The following ETV6 variants were observed in gnomAD, a reference collection of about 807,000 sequenced individuals.
ETV6 encodes ETS variant transcription factor 6, also known as transcription factor ETV6.
ETV6 carries 16 observed loss-of-function variants against 51.1 expected under a neutral mutation model. The observed-to-expected ratio is 0.31, with a 90% confidence interval of 0.21 to 0.48. The LOEUF is 0.48. ETV6 is among the 20% of genes least tolerant of loss of function. The probability of loss-of-function intolerance (pLI) is 0.99; values close to 1 mark genes in which losing one functional copy is unlikely to be tolerated. For missense variants in ETV6, 458 were observed against 594.8 expected, an observed-to-expected ratio of 0.77 and a Z score of 2.39; for synonymous variants, 240 against 224.1, an observed-to-expected ratio of 1.07 and a Z score of -0.64.
intron 1 of ETV6, among the ~76,000 whole-genome samples, chr12:11,704,891 A>G (rs1051603149): frequency 6.6e-6 from 1 of 152,214 alleles, no homozygotes; most frequent in Admixed American, 6.5e-5. Context: ...GCCATTTGCC[A>G]CAACATGGAT....
At chr12:11,747,617 A>C (rs557850926) in intron 1 of ETV6, among the ~76,000 whole-genome samples, 3 of 152,328 alleles carry the variant, frequency 2.0e-5, no homozygotes, top group African/African-American at 7.2e-5. Flanking sequence ...ATCTTCTCTC[A>C]AATTCTTTAC....
chr12:11,869,940 A>G lies in ETV6; in HGVS notation c.980A>G (p.Glu327Gly), dbSNP rs1946855988. The G allele has an allele frequency of 6.2e-7, 1 of 1,608,610 alleles. No homozygotes were observed. Among genetic ancestry groups the G allele is most frequent in the Non-Finnish European group, 8.5e-7 (1 of 1,179,660 alleles). ...HIMVSVSPPE[E>G]HAMPIGRIAD... ...ATGGTCTCTGTCTCCCCGCCTGAAG[A>G]GCACGCCATGCCCATTGGGAGAATA... Residue 327 changes from glutamate to glycine, a missense_variant, in exon 5 of 8, where the codon GAG (glutamate) becomes GGG (glycine). Transcript: ENST00000396373. The surrounding 1 kb of genome is among the most constrained non-coding windows in gnomAD (Gnocchi z 5.0).
chr12:11,869,374 G>C lies in ETV6; in HGVS notation c.464-50G>C. 1 of 1,543,694 alleles carries C rather than the reference G, an allele frequency of 6.5e-7. No individual in the cohort carries two copies. The highest frequency in any genetic ancestry group is 8.8e-7 in the Non-Finnish European group (1 of 1,138,528). Reference sequence around the variant, plus strand: ...CCTGTAGAGCCGCAGGGAGTTTCCTGTCCTGCCAACTCACTGGGGTCTGTG... The same window carrying C: ...CCTGTAGAGCCGCAGGGAGTTTCCTCTCCTGCCAACTCACTGGGGTCTGTG... On this transcript the variant is annotated intron_variant, in intron 4 of 7. Transcript: ENST00000396373. The surrounding 1 kb of genome is among the most constrained non-coding windows in gnomAD (Gnocchi z 5.0).
chr12:11,756,582 TGACTC>T (rs1358904595), intron 2 of ETV6, among the ~76,000 whole-genome samples: 1 of 151,992 alleles, frequency 6.6e-6, no homozygotes, highest in Non-Finnish European at 1.5e-5. Context: ...AGGTCACTCT[TGACTC>T]TACGCAGAGA....
chr12:11,806,978 G>A (rs1233320941), intron 2 of ETV6, among the ~76,000 whole-genome samples: 1 of 152,362 alleles, frequency 6.6e-6, no homozygotes, highest in Middle Eastern at 3.4e-3. Context: ...CTCACTGATG[G>A]TGTTCCACCG....
chr12:11,763,314 C>T (rs1326802505), intron 2 of ETV6, among the ~76,000 whole-genome samples: 1 of 152,144 alleles, frequency 6.6e-6, no homozygotes, highest in East Asian at 1.9e-4. Flanking sequence ...CTCTTGCTGA[C>T]CTTAAAATTT....
At chr12:11,700,166 G>A (rs1442368186) in intron 1 of ETV6, among the ~76,000 whole-genome samples, 1 of 152,208 alleles carries the variant, frequency 6.6e-6, no homozygotes, top group East Asian at 1.9e-4. Flanking sequence ...TGAATATACA[G>A]TTGACTCTTG....
In ETV6 at chr12:11,894,952, T is replaced by G. The variant is rs1947370485; in HGVS notation, c.*3906T>G. ...GGTGCTAGTTAGAGGCTGTTCACTC[T>G]CTCCTGCTCCTCTTCGGAGTAGAAA... On this transcript the variant is annotated 3_prime_UTR_variant, in exon 8 of 8. Transcript: ENST00000396373. The G allele has an allele frequency of 4.3e-6, 1 of 233,494 alleles. No individual in the cohort carries two copies. Among genetic ancestry groups the G allele is most frequent in the Non-Finnish European group, 8.5e-6 (1 of 118,034 alleles). 14.5% of individuals were successfully genotyped at this position (233,494 alleles called of 1,614,324 possible).
In ETV6 at chr12:11,894,431, A is replaced by C; in HGVS notation, c.*3385A>C. On this transcript the variant is annotated 3_prime_UTR_variant, in exon 8 of 8. Coordinates refer to ENST00000396373, the MANE Select transcript of ETV6 (RefSeq NM_001987.5). The stretch of plus-strand genomic sequence containing the variant: ...AACATGAACTCTAAGATCTTGACCC[A>C]GGGCGACTTGGTTTTGCTTAAGGTG... The C allele has an allele frequency of 4.3e-6, 1 of 233,212 alleles. No individual in the cohort carries two copies. The highest frequency in any genetic ancestry group is 8.5e-6 in the Non-Finnish European group (1 of 118,006). The allele number at this position is 233,212 out of a possible 1,614,324, so 14.4% of individuals were successfully genotyped here.
chr12:11,887,881 A>G (rs2136607590), intron 7 of ETV6, among the ~76,000 whole-genome samples: 1 of 152,250 alleles, frequency 6.6e-6, no homozygotes, highest in South Asian at 2.1e-4. Flanking sequence ...TATCCCAGTC[A>G]TTGTGCTAGA....
chr12:11,808,309 A>G (rs370239138), intron 2 of ETV6, among the ~76,000 whole-genome samples: 2 of 152,294 alleles, frequency 1.3e-5, no homozygotes. Context: ...CCAATCTACC[A>G]TCCATTTCCC....
chr12:11,781,404 T>C (rs1378721088), intron 2 of ETV6, among the ~76,000 whole-genome samples: 5 of 152,196 alleles, frequency 3.3e-5, no homozygotes, highest in Admixed American at 3.3e-4. Flanking sequence ...GTCACTTTGC[T>C]CTTGGTTCTA....
In ETV6 at chr12:11,650,491, A is replaced by AAC. The variant is rs1555109512; in HGVS notation, c.33+332_33+333insCA. On this transcript the variant is annotated intron_variant, in intron 1 of 7. Transcript: ENST00000396373. ...CGTAATTAGTGCGCTTAAAAAAAAA[A>AAC]AAAACAAAAAACAAAAAAAAAAAAC... Among the ~76,000 whole-genome samples, 201 of 63,574 alleles carry AAC rather than the reference A, an allele frequency of 3.2e-3. 7 individuals carry two copies. The highest frequency in any genetic ancestry group is 0.019 in the Admixed American group (107 of 5,582). 41.7% of individuals were successfully genotyped at this position (63,574 alleles called of 152,430 possible).
At chr12:11,802,997 C>T (rs536185964) in intron 2 of ETV6, among the ~76,000 whole-genome samples, 3 of 152,318 alleles carry the variant, frequency 2.0e-5, no homozygotes, top group Admixed American at 6.5e-5. Context: ...ACATCAAGAA[C>T]GTCTTGTAAG....
At chr12:11,659,879 G>A (rs1217966621) in intron 1 of ETV6, among the ~76,000 whole-genome samples, 1 of 152,174 alleles carries the variant, frequency 6.6e-6, no homozygotes. Flanking sequence ...TCACTTGCAG[G>A]TGTGGCCTGG....
At chr12:11,870,845 C>G (rs1946870716) in intron 5 of ETV6, among the ~76,000 whole-genome samples, 1 of 152,192 alleles carries the variant, frequency 6.6e-6, no homozygotes, top group African/African-American at 2.4e-5. Flanking sequence ...AAGTCAGCCC[C>G]ATTTCCCATT....
At chr12:11,706,814 T>C (rs778407530) in intron 1 of ETV6, among the ~76,000 whole-genome samples, 5 of 152,270 alleles carry the variant, frequency 3.3e-5, no homozygotes, top group Admixed American at 6.5e-5. Flanking sequence ...TTTTGAGTTC[T>C]GTAAATGGAA....
chr12:11,652,169 C>G (rs1304837764), intron 1 of ETV6, among the ~76,000 whole-genome samples: 1 of 152,122 alleles, frequency 6.6e-6, no homozygotes, highest in Non-Finnish European at 1.5e-5. Flanking sequence ...ATTTAATGTT[C>G]TTTACCAGAA....
At chr12:11,868,563 G>A (rs958909043) in intron 4 of ETV6, among the ~76,000 whole-genome samples, 3 of 150,500 alleles carry the variant, frequency 2.0e-5, no homozygotes, top group East Asian at 2.0e-4. Flanking sequence ...TCAGCCTCCC[G>A]AGTAACTGGG....
Sources: gnomAD v4.1 joint callset for allele counts (sites outside exome capture counted in the v4.1 genomes callset) on GRCh38, gnomAD v4.1.1 for gene constraint, Gnocchi (gnomAD v3.1) non-coding constraint, MANE v1.5 for transcripts, NCBI Gene and HGNC (gene_info 2026-07-23, HGNC 2026-07-21) for gene names.